Variants in PCM1 observed in about 807,000 individuals in gnomAD.
The protein encoded by PCM1 is pericentriolar material 1 protein.
A neutral mutation model predicts 241.9 loss-of-function variants in PCM1; 157 were observed. The ratio of observed to expected loss-of-function variants is 0.65; its 90% CI spans 0.57 to 0.74. PCM1 has a LOEUF of 0.74. Among genes scored for constraint, PCM1 ranks in the 30% least tolerant of loss-of-function variants. The pLI, the probability that PCM1 is intolerant of heterozygous loss-of-function variation, is 0.00. For synonymous variants in PCM1, 1,085 were observed against 784.9 expected (o/e 1.38, Z -6.39); for missense variants, 3,478 against 2,360.1 (o/e 1.47, Z -9.81).
chr8:17,984,950 T>C (rs2082124809), intron 24 of PCM1, among the ~76,000 whole-genome samples: 1 of 151,966 alleles, frequency 6.6e-6, no homozygotes, highest in Non-Finnish European at 1.5e-5. Context: ...ATGTATGAGA[T>C]TTGATAATTA....
intron 29 of PCM1, among the ~76,000 whole-genome samples, chr8:17,995,929 G>C (rs933128945): frequency 3.9e-5 from 6 of 152,128 alleles, no homozygotes. Context: ...TAGTATTCTT[G>C]TGGAGTCTTT....
chr8:17,993,794 C>G (rs1449370999), intron 29 of PCM1, among the ~76,000 whole-genome samples, 175 bp downstream of exon 29: 1 of 152,170 alleles, frequency 6.6e-6, no homozygotes, highest in African/African-American at 2.4e-5. Flanking sequence ...ATATTTTATA[C>G]ACATGTGCAT....
In PCM1 at chr8:18,014,452, T is replaced by C. The variant is rs2092922304; in HGVS notation, c.5585-132T>C. On this transcript the variant is annotated intron_variant, in intron 35 of 38. Coordinates refer to ENST00000325083, the MANE Select transcript of PCM1 (RefSeq NM_006197.4). ...TTGGGAACCATTGATAAGGAAAATT[T>C]GTAGTTGCCTTTTCTTTTTGGTCTT... The C allele has an allele frequency of 1.6e-5, 10 of 638,466 alleles. No homozygotes were observed. In the East Asian group the frequency reaches 2.9e-4, roughly 18 times the overall value. 39.6% of individuals were successfully genotyped at this position (638,466 alleles called of 1,614,324 possible).
At chr8:17,935,009 A>C (rs141830511) in intron 2 of PCM1, among the ~76,000 whole-genome samples, 1 of 152,218 alleles carries the variant, frequency 6.6e-6, no homozygotes, top group Non-Finnish European at 1.5e-5. Flanking sequence ...TATTCTTAAA[A>C]TGTCTTCTAG....
chr8:17,975,410 C>T (rs573263255), intron 23 of PCM1, among the ~76,000 whole-genome samples: 2 of 152,202 alleles, frequency 1.3e-5, no homozygotes, highest in Non-Finnish European at 2.9e-5. Context: ...TGATCCACCC[C>T]CATTGGCCTC....
At position 17,947,843 on chromosome 8, in the gene PCM1, A is replaced by G. The variant is rs545586980; in HGVS notation, c.961+480A>G. Among the ~76,000 whole-genome samples the G allele has an allele frequency of 2.0e-5, 3 of 152,306 alleles. No homozygotes were observed. The South Asian group carries it at 6.2e-4, about 32-fold the overall frequency. ...ATTTTAATTAGGTATCCTTTTGTATATGCTAGCTCCTTGGAACTATATTTA... is the reference window on the plus strand; with the variant it reads ...ATTTTAATTAGGTATCCTTTTGTATGTGCTAGCTCCTTGGAACTATATTTA... On this transcript the variant is annotated intron_variant, in intron 7 of 38. Transcript: ENST00000325083.
intron 29 of PCM1, among the ~76,000 whole-genome samples, chr8:17,999,056 C>T (rs1295391499): frequency 1.3e-5 from 2 of 152,134 alleles, no homozygotes; most frequent in African/African-American, 4.8e-5. Flanking sequence ...AGTGGGCTCT[C>T]CTCTGGCCCA....
chr8:17,924,467 C>A (rs1447114499), intron 1 of PCM1, among the ~76,000 whole-genome samples: 1 of 152,054 alleles, frequency 6.6e-6, no homozygotes, highest in Non-Finnish European at 1.5e-5. Context: ...TACACTGTTC[C>A]GAAATAGATA....
chr8:17,996,847 C>T (rs1200104251), intron 29 of PCM1, among the ~76,000 whole-genome samples: 1 of 152,030 alleles, frequency 6.6e-6, no homozygotes, highest in Non-Finnish European at 1.5e-5. Context: ...TTTGTTGTTT[C>T]TCTTTATATC....
At chr8:17,948,770 T>TAATG (rs2064879081) in intron 7 of PCM1, among the ~76,000 whole-genome samples, 1 of 152,224 alleles carries the variant, frequency 6.6e-6, no homozygotes, top group Admixed American at 6.5e-5. Flanking sequence ...TGCTTTAACA[T>TAATG]AATGACTAGT....
At chr8:17,966,506 T>G in intron 20 of PCM1, 33 bp downstream of exon 20, 1 of 1,599,238 alleles carries the variant, frequency 6.3e-7, no homozygotes, top group South Asian at 1.1e-5. Flanking sequence ...TGAGACTGTA[T>G]AAGAGCTAAC....
Position 18,028,014 on chromosome 8 carries a change from C to A in PCM1, c.*352C>A, listed in dbSNP as rs2094348619. ...TTATATTGAATTCTATACAGCAAGT[C>A]AATGTTTTATATAACTTTAGGCTGC... On this transcript the variant is annotated 3_prime_UTR_variant, in exon 39 of 39. Transcript: ENST00000325083. 1 of 240,162 alleles carries A rather than the reference C, an allele frequency of 4.2e-6. No individual in the cohort carries two copies. The highest frequency in any genetic ancestry group is 2.2e-5 in the African/African-American group (1 of 45,344). 14.9% of individuals were successfully genotyped at this position (240,162 alleles called of 1,614,324 possible).
intron 34 of PCM1, among the ~76,000 whole-genome samples, chr8:18,013,551 GTC>G (rs763212810): frequency 2.0e-5 from 3 of 152,146 alleles, no homozygotes; most frequent in Non-Finnish European, 2.9e-5. Context: ...ACATCATCAT[GTC>G]TTCCTTTCTA....
intron 25 of PCM1, 107 bp downstream of exon 25, chr8:17,985,726 T>TTC (rs2082358762): frequency 1.1e-6 from 1 of 900,410 alleles, no homozygotes. Context: ...TTTTCATCTG[T>TTC]TCTCTATGTG....
intron 16 of PCM1, chr8:17,962,887 A>G (rs1455625207): frequency 4.7e-6 from 2 of 424,292 alleles, no homozygotes; most frequent in Non-Finnish European, 8.4e-6. Context: ...CAGATGACAG[A>G]GTGAGACTCT....
intron 29 of PCM1, 67 bp from the exon 30 acceptor site, chr8:18,006,196 A>G: frequency 7.9e-7 from 1 of 1,267,442 alleles, no homozygotes; most frequent in East Asian, 2.5e-5. Flanking sequence ...TTTGTATTAT[A>G]TGGATTGATT....
intron 2 of PCM1, among the ~76,000 whole-genome samples, chr8:17,932,656 C>G (rs552796987): frequency 5.0e-4 from 76 of 151,982 alleles, no homozygotes; most frequent in African/African-American, 1.8e-3. Context: ...CTCTCATTTA[C>G]TATTCTCAGC....
intron 24 of PCM1, 95 bp downstream of exon 24, chr8:17,980,850 C>T (rs940157998): frequency 3.8e-5 from 32 of 851,204 alleles, no homozygotes; most frequent in Admixed American, 5.2e-5. Context: ...GTGTTTCACA[C>T]GTATCTATCA....
chr8:17,950,777 C>G, intron 8 of PCM1, 53 bp downstream of exon 8: 1 of 975,608 alleles, frequency 1.0e-6, no homozygotes, highest in South Asian at 1.4e-5. Flanking sequence ...TTAATTAGAA[C>G]AGTGATTCAG....
Sources: gnomAD v4.1 joint callset for allele counts (sites outside exome capture counted in the v4.1 genomes callset) on GRCh38, gnomAD v4.1.1 for gene constraint, MANE v1.5 for transcripts, NCBI Gene and HGNC (gene_info 2026-07-23, HGNC 2026-07-21) for gene names.